Variants in RUNDC3B observed in about 807,000 individuals in gnomAD.
The protein encoded by RUNDC3B is RUN domain containing 3B, also known as RUN domain-containing protein 3B.
RUNDC3B carries 33 observed loss-of-function variants against 58.4 expected under a neutral mutation model. That is an observed-to-expected ratio of 0.56 (90% CI 0.43 to 0.75). The LOEUF (loss-of-function observed/expected upper bound fraction) is 0.75. RUNDC3B is among the 30% of genes least tolerant of loss of function. The pLI is 0.00. For missense variants in RUNDC3B, 501 were observed against 535.7 expected, an observed-to-expected ratio of 0.94 and a Z score of 0.64; for synonymous variants, 193 against 195.2, an observed-to-expected ratio of 0.99 and a Z score of 0.10.
chr7:87,795,267 A>G (rs1835752214), intron 8 of RUNDC3B, among the ~76,000 whole-genome samples: 1 of 152,248 alleles, frequency 6.6e-6, no homozygotes, highest in African/African-American at 2.4e-5. Context: ...AAGGAATTCA[A>G]ACAACTCAAT....
intron 5 of RUNDC3B, among the ~76,000 whole-genome samples, chr7:87,741,147 G>T (rs985710169): frequency 6.6e-6 from 1 of 151,768 alleles, no homozygotes; most frequent in Non-Finnish European, 1.5e-5. Context: ...AGAGGCTGCA[G>T]TGAGCCAAGA....
chr7:87,807,236 T>A, intron 8 of RUNDC3B, 137 bp from the exon 9 acceptor site: 1 of 666,116 alleles, frequency 1.5e-6, no homozygotes, highest in Non-Finnish European at 2.5e-6. Flanking sequence ...CAACCATCCT[T>A]GCTGTAGTTC....
intron 4 of RUNDC3B, among the ~76,000 whole-genome samples, chr7:87,718,053 A>G (rs1376677106): frequency 6.6e-6 from 1 of 152,180 alleles, no homozygotes; most frequent in Non-Finnish European, 1.5e-5. Flanking sequence ...TATAAAAACC[A>G]TATGAATCTT....
At chr7:87,725,997 T>G (rs1831206949) in intron 4 of RUNDC3B, among the ~76,000 whole-genome samples, 1 of 152,232 alleles carries the variant, frequency 6.6e-6, no homozygotes, top group African/African-American at 2.4e-5. Flanking sequence ...ATTAGCCCTT[T>G]GTCAGATGAG....
chr7:87,642,193 A>T (rs1413790995), intron 1 of RUNDC3B, among the ~76,000 whole-genome samples: 2 of 152,052 alleles, frequency 1.3e-5, no homozygotes, highest in African/African-American at 2.4e-5. Flanking sequence ...ATATATATAT[A>T]TTTTTAAAAC....
At chr7:87,751,537 G>T (rs1455655470) in intron 6 of RUNDC3B, among the ~76,000 whole-genome samples, 3 of 152,148 alleles carry the variant, frequency 2.0e-5, no homozygotes, top group African/African-American at 7.2e-5. Context: ...CCATTTGCTT[G>T]TATCCTCTTT....
intron 6 of RUNDC3B, among the ~76,000 whole-genome samples, chr7:87,758,671 C>G (rs1388805710): frequency 1.3e-5 from 2 of 152,080 alleles, no homozygotes; most frequent in African/African-American, 4.8e-5. Flanking sequence ...TGCAAAAGAT[C>G]TAAATGGACA....
chr7:87,725,031 T>C (rs1460660097), intron 4 of RUNDC3B, among the ~76,000 whole-genome samples: 1 of 152,192 alleles, frequency 6.6e-6, no homozygotes, highest in Non-Finnish European at 1.5e-5. Context: ...AAAGCCATTT[T>C]ATTTAACAGA....
intron 2 of RUNDC3B, among the ~76,000 whole-genome samples, chr7:87,689,721 A>G (rs988444235): frequency 6.6e-6 from 1 of 152,132 alleles, no homozygotes; most frequent in Admixed American, 6.5e-5. Context: ...CATCTTTCTG[A>G]TGTTCTAATT....
chr7:87,643,328 T>A (rs1382249307), intron 1 of RUNDC3B, among the ~76,000 whole-genome samples: 1 of 152,284 alleles, frequency 6.6e-6, no homozygotes, highest in Non-Finnish European at 1.5e-5. Flanking sequence ...TGGTTGGGAC[T>A]TTTTTTGGTT....
intron 8 of RUNDC3B, among the ~76,000 whole-genome samples, chr7:87,785,042 A>G (rs1835132996): frequency 6.6e-6 from 1 of 152,048 alleles, no homozygotes; most frequent in South Asian, 2.1e-4. Context: ...TCAAGGGCAT[A>G]GGATCCCCAG....
Position 87,777,822 on chromosome 7 carries a change from C to T in RUNDC3B, c.823C>T (p.Leu275Phe). 1 of 1,613,602 alleles carries T rather than the reference C, an allele frequency of 6.2e-7. No homozygotes were observed. The highest frequency in any genetic ancestry group is 8.5e-7 in the Non-Finnish European group (1 of 1,179,762). ...GGGTTACCTTGAAGAACTCTTACGA[C>T]TTCGAGAGAACCAACTATCTGAATC... ...QKGYLEELLR[L>F]RENQLSESVS... is the part of the protein sequence containing the mutation. The change falls in exon 8 of 11, where the codon CTT (leucine) becomes TTT (phenylalanine). Residue 275 changes from leucine (L) to phenylalanine (F), a missense_variant. Physicochemically the swap from Leu to Phe is conservative, Grantham distance 22. Coordinates refer to ENST00000394654, the MANE Select transcript of RUNDC3B (RefSeq NM_001134405.2).
At chr7:87,663,446 T>C in intron 2 of RUNDC3B, among the ~76,000 whole-genome samples, 1 of 152,146 alleles carries the variant, frequency 6.6e-6, no homozygotes, top group East Asian at 1.9e-4. Context: ...TTGGCTTTTC[T>C]TCTACCGCTA....
At chr7:87,776,654 A>ATTAAGCTGTAT in intron 7 of RUNDC3B, among the ~76,000 whole-genome samples, 1 of 152,066 alleles carries the variant, frequency 6.6e-6, no homozygotes, top group Admixed American at 6.6e-5. Context: ...AATGTTTATG[A>ATTAAGCTGTAT]ATATATATTG....
At chr7:87,717,813 T>C (rs1410455270) in intron 4 of RUNDC3B, among the ~76,000 whole-genome samples, 2 of 151,970 alleles carry the variant, frequency 1.3e-5, no homozygotes, top group Admixed American at 6.6e-5. Context: ...AAAGAAAATT[T>C]CAAAAAATTA....
chr7:87,701,755 A>G (rs1490253224), intron 3 of RUNDC3B, among the ~76,000 whole-genome samples: 1 of 152,168 alleles, frequency 6.6e-6, no homozygotes, highest in Non-Finnish European at 1.5e-5. Flanking sequence ...TTCTTCATAT[A>G]CTTCAACCAA....
chr7:87,810,541 CTGTT>C (rs1237478651), intron 9 of RUNDC3B, among the ~76,000 whole-genome samples: 2 of 152,060 alleles, frequency 1.3e-5, no homozygotes, highest in Non-Finnish European at 2.9e-5. Context: ...TAATGGCCTC[CTGTT>C]TGTTTAACAA....
intron 4 of RUNDC3B, among the ~76,000 whole-genome samples, chr7:87,719,457 A>G (rs1830739742): frequency 6.6e-6 from 1 of 151,830 alleles, no homozygotes; most frequent in African/African-American, 2.4e-5. Context: ...TAAACATATA[A>G]AAGTATACAA....
intron 3 of RUNDC3B, 118 bp from the exon 4 acceptor site, chr7:87,710,452 C>T (rs1829975607): frequency 1.4e-5 from 9 of 623,666 alleles, no homozygotes; most frequent in East Asian, 3.0e-5. Flanking sequence ...TTTTCTTAGT[C>T]GTTATCAAAT....
Sources: gnomAD v4.1 joint callset for allele counts (sites outside exome capture counted in the v4.1 genomes callset) on GRCh38, gnomAD v4.1.1 for gene constraint, MANE v1.5 for transcripts, NCBI Gene and HGNC (gene_info 2026-07-23, HGNC 2026-07-21) for gene names.